Variants in TM9SF3 observed in about 807,000 individuals in gnomAD.
TM9SF3 encodes SM-11044-binding protein.
TM9SF3 carries 14 observed loss-of-function variants against 78.6 expected under a neutral mutation model. The observed-to-expected ratio is 0.18, with a 90% CI of 0.12 to 0.28. The LOEUF (loss-of-function observed/expected upper bound fraction) is 0.28, where lower values mean the gene tolerates loss of function less well. TM9SF3 is among the 10% of genes least tolerant of loss of function. The pLI is 1.00. For synonymous variants in TM9SF3, 231 were observed against 241.7 expected (o/e 0.96, Z 0.41); for missense variants, 496 against 721.9 (o/e 0.69, Z 3.59).
intron 1 of TM9SF3, among the ~76,000 whole-genome samples, chr10:96,582,529 T>C (rs756236788): frequency 6.6e-6 from 1 of 152,202 alleles, no homozygotes; most frequent in Non-Finnish European, 1.5e-5. Flanking sequence ...CAAATAAGCA[T>C]AAACATACCT....
chr10:96,536,951 C>T (rs541549088), intron 9 of TM9SF3, among the ~76,000 whole-genome samples: 4 of 152,350 alleles, frequency 2.6e-5, no homozygotes, highest in South Asian at 2.1e-4. Context: ...ACAAACCGCA[C>T]ACCCAGCTAA....
chr10:96,560,425 T>C, intron 4 of TM9SF3: 1 of 743,982 alleles, frequency 1.3e-6, no homozygotes, highest in Non-Finnish European at 2.4e-6. Flanking sequence ...CCTTTGAAAA[T>C]GTCTGCACAG....
intron 2 of TM9SF3, among the ~76,000 whole-genome samples, chr10:96,575,010 T>C (rs1848480800): frequency 6.6e-6 from 1 of 151,896 alleles, no homozygotes; most frequent in African/African-American, 2.4e-5. Context: ...CACCATGGCA[T>C]GTGTATTCCT....
intron 14 of TM9SF3, among the ~76,000 whole-genome samples, chr10:96,522,603 CTTAT>C (rs1847791877): frequency 6.6e-6 from 1 of 151,858 alleles, no homozygotes; most frequent in Non-Finnish European, 1.5e-5. Flanking sequence ...AAATACATCT[CTTAT>C]AAAGCAAGAA....
chr10:96,562,176 C>A, intron 3 of TM9SF3, 38 bp from the exon 4 acceptor site: 2 of 1,392,594 alleles, frequency 1.4e-6, no homozygotes, highest in Non-Finnish European at 2.0e-6. Context: ...GGTAAAACCA[C>A]TTAATATTTA....
At chr10:96,542,983 T>C (rs1848051975) in intron 9 of TM9SF3, among the ~76,000 whole-genome samples, 1 of 152,194 alleles carries the variant, frequency 6.6e-6, no homozygotes, top group Admixed American at 6.5e-5. Context: ...TTAAAACAGA[T>C]ATTGTGGGCT....
rs1003703512 is a variant in TM9SF3 at position 96,561,261 on chromosome 10, AAT to A, written c.582+715_582+716del. 3.9e-5 allele frequency among the ~76,000 whole-genome samples: 6 copies of A among 152,362 alleles called. No homozygotes were observed. In the South Asian group the frequency reaches 6.2e-4, roughly 16 times the overall value. On this transcript the variant is annotated intron_variant, in intron 4 of 14. Transcript: ENST00000371142. The stretch of plus-strand genomic sequence containing the variant: ...AATATTTGAATGAATAATAAAAAAA[AAT>A]CTGTAAATCTTTATTTTTAGACTGC...
intron 9 of TM9SF3, among the ~76,000 whole-genome samples, chr10:96,541,583 C>T (rs1245284448): frequency 6.6e-6 from 1 of 152,000 alleles, no homozygotes; most frequent in Non-Finnish European, 1.5e-5. Context: ...AGGGTTTCAC[C>T]ATGTTGGCCA....
At chr10:96,572,309 C>T (rs897802294) in intron 2 of TM9SF3, among the ~76,000 whole-genome samples, 1 of 151,712 alleles carries the variant, frequency 6.6e-6, no homozygotes, top group Non-Finnish European at 1.5e-5. Context: ...ATAAGCAATA[C>T]GAGATCAAAG....
At chr10:96,561,119 G>A (rs1848302800) in intron 4 of TM9SF3, among the ~76,000 whole-genome samples, 1 of 152,150 alleles carries the variant, frequency 6.6e-6, no homozygotes, top group African/African-American at 2.4e-5. Context: ...CCCTAAAGCA[G>A]TTTCTTCTGA....
chr10:96,584,748 T>C (rs1027607645), intron 1 of TM9SF3, among the ~76,000 whole-genome samples: 1 of 152,194 alleles, frequency 6.6e-6, no homozygotes, highest in Non-Finnish European at 1.5e-5. Context: ...AAGGCTGAGG[T>C]TGCAGTGATG....
At chr10:96,565,635 AATC>A (rs1391679783) in intron 2 of TM9SF3, among the ~76,000 whole-genome samples, 10 of 152,084 alleles carry the variant, frequency 6.6e-5, no homozygotes, top group African/African-American at 2.4e-4. Context: ...AAAAAATTTT[AATC>A]ATCTTTATTT....
chr10:96,577,526 G>C (rs1223260471), intron 1 of TM9SF3: 1 of 152,132 alleles, frequency 6.6e-6, no homozygotes, highest in Non-Finnish European at 1.5e-5. Flanking sequence ...GTAGTTCCAA[G>C]GTACAAGTGG....
intron 14 of TM9SF3, 101 bp from the exon 15 acceptor site, chr10:96,522,431 T>C (rs1175218250): frequency 3.3e-6 from 3 of 916,100 alleles, no homozygotes; most frequent in Non-Finnish European, 4.8e-6. Flanking sequence ...TTATTCTTTT[T>C]TAAAGAAAAT....
At chr10:96,576,095 G>C (rs1476521846) in intron 2 of TM9SF3, among the ~76,000 whole-genome samples, 1 of 152,120 alleles carries the variant, frequency 6.6e-6, no homozygotes, top group Non-Finnish European at 1.5e-5. Flanking sequence ...GTACAAGTTT[G>C]AATTTGAGGC....
chr10:96,522,298 C>G lies in TM9SF3; in HGVS notation c.1735G>C (p.Val579Leu). The change falls in exon 15 of 15, where the codon GTC becomes CTC. Residue 579 changes from valine (V) to leucine (L), a missense_variant. Val to Leu is a conservative substitution (Grantham distance 32, BLOSUM62 1). This residue lies in a region of TM9SF3 where 280 missense variants were observed against 422.6 expected (regional missense o/e 0.66). Transcript: ENST00000371142. ...TTCACATTAGTATAGATTTTTCGGA[C>G]AAAGGCACTTGTTCCCATGTAACCA... ...AIGYMGTSAF[V>L]RKIYTNVKID The G allele has an allele frequency of 6.3e-7, 1 of 1,583,424 alleles. No homozygotes were observed.
intron 2 of TM9SF3, among the ~76,000 whole-genome samples, chr10:96,573,683 G>C (rs1848463706): frequency 6.6e-6 from 1 of 152,076 alleles, no homozygotes; most frequent in Non-Finnish European, 1.5e-5. Flanking sequence ...ACTAATAAAA[G>C]GGGGTTTAAG....
chr10:96,553,176 CTTTAGACAAAAATCCAAA>C, intron 5 of TM9SF3, 117 bp from the exon 6 acceptor site: 1 of 1,150,184 alleles, frequency 8.7e-7, no homozygotes. Flanking sequence ...TAATTAAATC[CTTTAGACAAAAATCCAAA>C]TTTCAGACAC....
intron 8 of TM9SF3, among the ~76,000 whole-genome samples, chr10:96,545,593 T>A (rs575578474): frequency 6.6e-6 from 1 of 152,290 alleles, no homozygotes; most frequent in African/African-American, 2.4e-5. Flanking sequence ...TTCAGACATG[T>A]ATCAACAAAA....
Sources: allele counts gnomAD v4.1 joint callset (sites outside exome capture counted in the v4.1 genomes callset), GRCh38; gene constraint gnomAD v4.1.1; regional missense constraint gnomAD v4.1.1; transcripts MANE v1.5; gene names NCBI Gene and HGNC (gene_info 2026-07-23, HGNC 2026-07-21).